TNR: variants seen among roughly 807,000 people sequenced by gnomAD.
TNR encodes tenascin-R.
Under a neutral mutation model 150.4 loss-of-function variants are expected in TNR, and 45 were observed. The observed-to-expected ratio is 0.30, with a 90% CI of 0.24 to 0.38. The LOEUF (loss-of-function observed/expected upper bound fraction) is 0.38. Ranked by LOEUF, TNR falls within the 10% of genes least tolerant of loss-of-function variation. The pLI is 1.00. For missense variants in TNR, 1,544 were observed against 1,759.1 expected (o/e 0.88, Z 2.19); for synonymous variants, 687 against 678.4 (o/e 1.01, Z -0.20).
In TNR at chr1:175,356,304, T is replaced by C. The variant is rs769229714; in HGVS notation, c.3118+15A>G. Reference sequence around the variant, plus strand: ...GTCCCCAGGGATACGGGTATGTAGGTGACCATGTACTCACGAGTAGAAAAG... The same window carrying C: ...GTCCCCAGGGATACGGGTATGTAGGCGACCATGTACTCACGAGTAGAAAAG... On this transcript the variant is annotated intron_variant, in intron 16 of 22. Transcript: ENST00000367674. 1.1e-5 allele frequency: 18 copies of C among 1,613,602 alleles called. No individual in the cohort carries two copies. In the Middle Eastern group the frequency reaches 8.2e-4, roughly 74 times the overall value.
intron 1 of TNR, among the ~76,000 whole-genome samples, chr1:175,678,320 G>A (rs749437214): frequency 6.6e-6 from 1 of 152,194 alleles, no homozygotes; most frequent in Non-Finnish European, 1.5e-5. Flanking sequence ...TAAACACGCA[G>A]GTTCCCTTGC....
At chr1:175,716,528 A>C (rs115294168) in intron 1 of TNR, among the ~76,000 whole-genome samples, 2 of 151,680 alleles carry the variant, frequency 1.3e-5, no homozygotes, top group Admixed American at 1.3e-4. Context: ...TTCTGTTCCC[A>C]TTTTCACCTC....
intron 2 of TNR, among the ~76,000 whole-genome samples, chr1:175,512,024 A>C (rs1571543722): frequency 6.6e-6 from 1 of 152,236 alleles, no homozygotes; most frequent in South Asian, 2.1e-4. Flanking sequence ...TTGAGATAGA[A>C]TCTCTTGACT....
chr1:175,368,767 T>A (rs1310409211), intron 9 of TNR, among the ~76,000 whole-genome samples: 1 of 152,146 alleles, frequency 6.6e-6, no homozygotes, highest in African/African-American at 2.4e-5. Flanking sequence ...CTGACCAATA[T>A]GGTGAAACCC....
At chr1:175,376,030 A>C (rs929339452) in intron 9 of TNR, among the ~76,000 whole-genome samples, 2 of 152,088 alleles carry the variant, frequency 1.3e-5, no homozygotes, top group African/African-American at 4.8e-5. Context: ...GTACTTCCAC[A>C]GCTGTGCTCT....
At chr1:175,373,780 G>A (rs1351961) in intron 9 of TNR, among the ~76,000 whole-genome samples, 3,613 of 152,204 alleles carry the variant, frequency 0.024, 149 homozygotes, top group African/African-American at 0.083. Flanking sequence ...ATTCCCACCT[G>A]GCTTTTCCCC....
At chr1:175,495,737 C>T (rs1658458790) in intron 2 of TNR, among the ~76,000 whole-genome samples, 1 of 152,228 alleles carries the variant, frequency 6.6e-6, no homozygotes, top group African/African-American at 2.4e-5. Context: ...TGCTGTCTAA[C>T]TGAACTTGTA....
chr1:175,443,646 T>C (rs1655895303), intron 2 of TNR, among the ~76,000 whole-genome samples: 1 of 152,064 alleles, frequency 6.6e-6, no homozygotes, highest in South Asian at 2.1e-4. Context: ...GATCACTACA[T>C]TTCTCTGCCA....
chr1:175,607,620 C>G lies in TNR; in HGVS notation c.-164-79251G>C, dbSNP rs182941038. Among the ~76,000 whole-genome samples, 26 of 152,262 alleles carry G rather than the reference C, an allele frequency of 1.7e-4. No homozygotes were observed. In the East Asian group the frequency reaches 4.8e-3, roughly 28 times the overall value. ...CTCATCTGATGAATCCTTTCTGCAC[C>G]AAACACAATACGTTACAGTGGTCAG... is the stretch of plus-strand genomic sequence containing the variant. On this transcript the variant is annotated intron_variant, in intron 1 of 22. Coordinates refer to ENST00000367674, the MANE Select transcript of TNR (RefSeq NM_003285.3).
rs570281808 is a variant in TNR at position 175,668,529 on chromosome 1, G to A, written c.-165+74697C>T. Among the ~76,000 whole-genome samples, 8 of 152,246 alleles carry A rather than the reference G, an allele frequency of 5.3e-5. No homozygotes were observed. In the South Asian group the frequency reaches 1.5e-3, roughly 28 times the overall value. On this transcript the variant is annotated intron_variant, in intron 1 of 22. Coordinates refer to ENST00000367674, the MANE Select transcript of TNR (RefSeq NM_003285.3). ...GAGAAGCAATCCACCCTTTGCGGGAGGTAGAACGATGCAAGTGCCCTGAGA... is the reference window on the plus strand; with the variant it reads ...GAGAAGCAATCCACCCTTTGCGGGAAGTAGAACGATGCAAGTGCCCTGAGA...
intron 2 of TNR, among the ~76,000 whole-genome samples, chr1:175,422,762 C>T (rs968867062): frequency 6.6e-6 from 1 of 152,230 alleles, no homozygotes; most frequent in Admixed American, 6.5e-5. Context: ...ATTGTCTTTC[C>T]CTGCCACATG....
intron 1 of TNR, among the ~76,000 whole-genome samples, chr1:175,696,301 A>G (rs1015447249): frequency 6.7e-6 from 1 of 149,740 alleles, no homozygotes; most frequent in Non-Finnish European, 1.5e-5. Flanking sequence ...CCACAGGTAA[A>G]TGGGCGGGCC....
chr1:175,416,037 A>G (rs1475906863), intron 2 of TNR, among the ~76,000 whole-genome samples: 2 of 152,220 alleles, frequency 1.3e-5, no homozygotes, highest in African/African-American at 2.4e-5. Flanking sequence ...TATGATAAAT[A>G]GAAACCTAAT....
intron 1 of TNR, among the ~76,000 whole-genome samples, chr1:175,607,708 A>G (rs979457706): frequency 5.9e-5 from 9 of 152,316 alleles, no homozygotes; most frequent in African/African-American, 2.2e-4. Context: ...CGCCAGAGGG[A>G]AGGGCCAACA....
chr1:175,457,323 T>C (rs1265409387), intron 2 of TNR, among the ~76,000 whole-genome samples: 1 of 152,196 alleles, frequency 6.6e-6, no homozygotes, highest in Non-Finnish European at 1.5e-5. Context: ...TCCATTCCAA[T>C]AGACAGCGCC....
intron 16 of TNR, 77 bp downstream of exon 16, chr1:175,356,242 C>G (rs1378384749): frequency 3.8e-6 from 6 of 1,573,532 alleles, no homozygotes. Flanking sequence ...AAGTGATAAT[C>G]TAGTCCACCA....
intron 8 of TNR, among the ~76,000 whole-genome samples, chr1:175,382,913 A>T (rs1198376263): frequency 6.6e-6 from 1 of 152,022 alleles, no homozygotes; most frequent in African/African-American, 2.4e-5. Context: ...AAAAAAAAAA[A>T]AAGAAAAATT....
chr1:175,547,822 T>A (rs976242291), intron 1 of TNR, among the ~76,000 whole-genome samples: 1 of 152,104 alleles, frequency 6.6e-6, no homozygotes, highest in Admixed American at 6.5e-5. Context: ...CATAGGTGTA[T>A]GGGGCACAGC....
At chr1:175,398,691 C>T (rs561731584) in intron 4 of TNR, among the ~76,000 whole-genome samples, 138 of 152,234 alleles carry the variant, frequency 9.1e-4, no homozygotes, top group African/African-American at 2.9e-3. Flanking sequence ...TTATAGATGA[C>T]GAAATTGGGC....
Sources: allele counts gnomAD v4.1 joint callset (sites outside exome capture counted in the v4.1 genomes callset), GRCh38; gene constraint gnomAD v4.1.1; transcripts MANE v1.5; gene names NCBI Gene and HGNC (gene_info 2026-07-23, HGNC 2026-07-21).